DPH6: variants seen among roughly 807,000 people sequenced by gnomAD.
DPH6 encodes the protein diphthine--ammonia ligase.
DPH6 carries 33 observed loss-of-function variants against 38.2 expected under a neutral mutation model. The ratio of observed to expected loss-of-function variants is 0.86; its 90% CI spans 0.65 to 1.15. DPH6 has a LOEUF of 1.15. Ranked by LOEUF, DPH6 falls within the 50% of genes most tolerant of loss-of-function variation. The probability of loss-of-function intolerance (pLI) is 0.00; values close to 1 mark genes in which losing one functional copy is unlikely to be tolerated. For synonymous variants in DPH6, 108 were observed against 103.0 expected (o/e 1.05, Z -0.30); for missense variants, 325 against 320.0 (o/e 1.02, Z -0.12).
intron 7 of DPH6, among the ~76,000 whole-genome samples, chr15:35,375,906 T>A (rs1412528073): frequency 6.6e-6 from 1 of 152,128 alleles, no homozygotes. Context: ...TACGCTAAGC[T>A]GGGACTGAAC....
intron 3 of DPH6, among the ~76,000 whole-genome samples, chr15:35,476,228 C>T (rs80173308): frequency 0.018 from 2,777 of 151,814 alleles, 87 homozygotes; most frequent in African/African-American, 0.062. Context: ...AAACAAGATT[C>T]CTAATTTCTC....
At chr15:35,405,578 T>C (rs1170451560) in intron 6 of DPH6, among the ~76,000 whole-genome samples, 1 of 152,116 alleles carries the variant, frequency 6.6e-6, no homozygotes, top group Non-Finnish European at 1.5e-5. Flanking sequence ...ACTGAACTTG[T>C]TTATCAGTTC....
intron 3 of DPH6, among the ~76,000 whole-genome samples, chr15:35,293,998 A>G (rs1236826665): frequency 6.6e-6 from 1 of 152,152 alleles, no homozygotes; most frequent in Non-Finnish European, 1.5e-5. Flanking sequence ...GTAGGGAGAG[A>G]GCTTCACATC....
At position 35,546,117 on chromosome 15, in the gene DPH6, A is replaced by C. The variant is rs1286975502; in HGVS notation, c.23+2T>G. ...AAGGAGGCGGCTCCAGGACCGCATT[A>C]CCTGATCAGAGCCGCGACCCTCATG... On this transcript the variant is annotated splice_donor_variant, in intron 1 of 8. Coordinates refer to ENST00000256538, the MANE Select transcript of DPH6 (RefSeq NM_080650.4). LOFTEE classifies it high-confidence loss of function. 23 of 1,408,844 alleles carry C rather than the reference A, an allele frequency of 1.6e-5. No individual in the cohort carries two copies. The highest frequency in any genetic ancestry group is 2.1e-5 in the Non-Finnish European group (22 of 1,067,460). 87.3% of individuals were successfully genotyped at this position (1,408,844 alleles called of 1,614,324 possible). A position where few individuals can be genotyped will look rare whatever the true frequency, so the allele number is the denominator to read the frequency against.
chr15:35,492,415 T>C lies in DPH6; in HGVS notation c.313-37595A>G, dbSNP rs538068296. On this transcript the variant is annotated intron_variant, in intron 3 of 8. Coordinates refer to ENST00000256538, the MANE Select transcript of DPH6 (RefSeq NM_080650.4). ...GTGATTCATGTTTTTCATTCAGCCATGAGAATATCTACCAGCTAACAAATG... is the reference window on the plus strand; with the variant it reads ...GTGATTCATGTTTTTCATTCAGCCACGAGAATATCTACCAGCTAACAAATG... 9.8e-5 allele frequency among the ~76,000 whole-genome samples: 15 copies of C among 152,290 alleles called. No individual in the cohort carries two copies. In the South Asian group the frequency reaches 3.1e-3, roughly 32 times the overall value.
At chr15:35,437,036 C>G (rs2053725813) in intron 5 of DPH6, among the ~76,000 whole-genome samples, 1 of 151,568 alleles carries the variant, frequency 6.6e-6, no homozygotes, top group South Asian at 2.1e-4. Flanking sequence ...GCAGATAATC[C>G]CACTCCCTAG....
downstream of DPH6, among the ~76,000 whole-genome samples, chr15:35,327,786 G>A (rs2052296940): frequency 1.3e-5 from 2 of 152,182 alleles, no homozygotes; most frequent in African/African-American, 4.8e-5. Context: ...GGTTGATTCA[G>A]AGGTTTTAAG....
downstream of DPH6, among the ~76,000 whole-genome samples, chr15:35,214,099 G>A (rs887077540): frequency 5.4e-5 from 8 of 147,268 alleles, no homozygotes; most frequent in Admixed American, 2.7e-4. Context: ...GCGACAGAGC[G>A]AGACTCCGTC....
At position 35,319,497 on chromosome 15, in the gene DPH6, T is replaced by C. The variant is rs1483441146; in HGVS notation, n.200+54024A>G. On this transcript the variant is annotated intron_variant and non_coding_transcript_variant, in intron 3 of 3. Transcript: ENST00000560386. ...GAGTCATGCCTGTAATCCCAGCACT[T>C]CTGGAGGCCGAGGCAGACGGATCGC... Among the ~76,000 whole-genome samples the C allele has an allele frequency of 2.0e-5, 3 of 152,230 alleles. No homozygotes were observed. The East Asian group carries it at 5.8e-4, about 30-fold the overall frequency.
At chr15:35,265,407 A>C (rs1255000880) in intron 3 of DPH6, among the ~76,000 whole-genome samples, 3 of 152,234 alleles carry the variant, frequency 2.0e-5, no homozygotes, top group Admixed American at 2.0e-4. Context: ...ATGATGTCTA[A>C]GTGTAGCCAG....
intron 3 of DPH6, among the ~76,000 whole-genome samples, chr15:35,359,214 C>T (rs890711519): frequency 2.0e-5 from 3 of 151,978 alleles, no homozygotes; most frequent in Non-Finnish European, 2.9e-5. Context: ...ACCCAAGGGC[C>T]GGTCTCACTC....
chr15:35,419,300 T>C (rs2053475528), intron 5 of DPH6, among the ~76,000 whole-genome samples: 1 of 152,132 alleles, frequency 6.6e-6, no homozygotes, highest in African/African-American at 2.4e-5. Flanking sequence ...AGACTGGTCA[T>C]ATAATCTCTA....
At chr15:35,376,313 T>G (rs977863071) in intron 7 of DPH6, among the ~76,000 whole-genome samples, 1 of 152,140 alleles carries the variant, frequency 6.6e-6, no homozygotes, top group Non-Finnish European at 1.5e-5. Context: ...ACACACTAAT[T>G]AGTGAAACTA....
intron 3 of DPH6, chr15:35,522,008 A>C: frequency 6.6e-7 from 1 of 1,504,278 alleles, no homozygotes; most frequent in Non-Finnish European, 8.9e-7. Flanking sequence ...AGCAGAATGA[A>C]AAACAGGGAC....
chr15:35,408,203 G>A (rs890809814), intron 6 of DPH6, among the ~76,000 whole-genome samples: 22 of 151,800 alleles, frequency 1.4e-4, no homozygotes, highest in African/African-American at 5.3e-4. Context: ...TAAAGAATTT[G>A]GATTTTTGCC....
At chr15:35,301,548 C>G (rs547347026) in intron 3 of DPH6, among the ~76,000 whole-genome samples, 1 of 152,232 alleles carries the variant, frequency 6.6e-6, no homozygotes, top group Admixed American at 6.5e-5. Flanking sequence ...ATTTGTGGTA[C>G]AAATCCAAAT....
chr15:35,166,529 T>C, the DPH6 span, among the ~76,000 whole-genome samples: 1 of 151,860 alleles, frequency 6.6e-6, no homozygotes, highest in Non-Finnish European at 1.5e-5. Context: ...ATGTTTTTCC[T>C]CTCCCACAAT....
At chr15:35,414,217 G>A (rs942032652) in intron 5 of DPH6, among the ~76,000 whole-genome samples, 2 of 151,572 alleles carry the variant, frequency 1.3e-5, no homozygotes, top group African/African-American at 2.4e-5. Flanking sequence ...CTGATGATCT[G>A]TGAGTGGTAT....
intron 3 of DPH6, among the ~76,000 whole-genome samples, chr15:35,527,703 G>A (rs1464045374): frequency 6.6e-6 from 1 of 152,110 alleles, no homozygotes; most frequent in African/African-American, 2.4e-5. Context: ...TTCAGGAAAG[G>A]CATGGACCGT....
Sources: allele counts gnomAD v4.1 joint callset (sites outside exome capture counted in the v4.1 genomes callset), GRCh38; gene constraint gnomAD v4.1.1; transcripts MANE v1.5; gene names NCBI Gene and HGNC (gene_info 2026-07-23, HGNC 2026-07-21).